STXBP6: variants seen among roughly 807,000 people sequenced by gnomAD.
The protein encoded by STXBP6 is syntaxin binding protein 6, also known as syntaxin-binding protein 6.
Under a neutral mutation model 26.9 loss-of-function variants are expected in STXBP6, and 21 were observed. The observed-to-expected ratio is 0.78, with a 90% confidence interval of 0.55 to 1.12. STXBP6 has a LOEUF of 1.12. Among genes scored for constraint, STXBP6 ranks in the 50% most tolerant of loss-of-function variants. STXBP6 has a pLI of 0.00. For synonymous variants in STXBP6, 97 were observed against 92.6 expected, an observed-to-expected ratio of 1.05 and a Z score of -0.27; for missense variants, 232 against 257.9, an observed-to-expected ratio of 0.90 and a Z score of 0.69.
intron 1 of STXBP6, among the ~76,000 whole-genome samples, chr14:24,978,125 T>C (rs1240079219): frequency 6.6e-6 from 1 of 152,234 alleles, no homozygotes; most frequent in Non-Finnish European, 1.5e-5. Context: ...GGTACTGTCA[T>C]AACTTCATAG....
At chr14:25,013,033 A>G (rs914016715) in intron 1 of STXBP6, among the ~76,000 whole-genome samples, 2 of 152,188 alleles carry the variant, frequency 1.3e-5, no homozygotes, top group Non-Finnish European at 2.9e-5. Flanking sequence ...CTGAGGCTGC[A>G]GTGAGCTACG....
At chr14:24,883,869 G>A (rs1297918402) in intron 2 of STXBP6, among the ~76,000 whole-genome samples, 1 of 152,126 alleles carries the variant, frequency 6.6e-6, no homozygotes, top group East Asian at 1.9e-4. Flanking sequence ...TTTAAAACAT[G>A]TTTTGAATTG....
At chr14:24,823,202 T>C (rs571033275) in intron 4 of STXBP6, among the ~76,000 whole-genome samples, 3 of 152,304 alleles carry the variant, frequency 2.0e-5, no homozygotes, top group East Asian at 1.9e-4. Context: ...TGACATCTTT[T>C]ATGTTAAGTG....
intron 1 of STXBP6, among the ~76,000 whole-genome samples, chr14:25,044,773 A>G (rs185855914): frequency 2.4e-3 from 362 of 152,348 alleles, no homozygotes; most frequent in Non-Finnish European, 4.4e-3. Context: ...CCACAGATTC[A>G]GTAAATCTCG....
chr14:24,971,492 T>C (rs1316012907), intron 2 of STXBP6, among the ~76,000 whole-genome samples: 1 of 152,184 alleles, frequency 6.6e-6, no homozygotes, highest in Non-Finnish European at 1.5e-5. Flanking sequence ...CCAGAAGGTG[T>C]AGGCAGTTCA....
intron 2 of STXBP6, among the ~76,000 whole-genome samples, chr14:24,927,181 CTG>C (rs1348262855): frequency 6.6e-6 from 1 of 152,168 alleles, no homozygotes; most frequent in Non-Finnish European, 1.5e-5. Context: ...TTAAAGAAGA[CTG>C]TTTATGAATG....
intron 4 of STXBP6, among the ~76,000 whole-genome samples, chr14:24,850,230 T>C (rs1185900009): frequency 6.6e-6 from 1 of 152,054 alleles, no homozygotes; most frequent in Non-Finnish European, 1.5e-5. Flanking sequence ...ATCCTGAGAT[T>C]CTATCCTATC....
intron 1 of STXBP6, among the ~76,000 whole-genome samples, chr14:25,026,035 A>AT (rs2075343835): frequency 1.3e-5 from 2 of 152,180 alleles, no homozygotes; most frequent in African/African-American, 4.8e-5. Context: ...TTGACTTTAC[A>AT]TTGTTGGTGG....
At chr14:24,845,263 T>C (rs778083790) in intron 4 of STXBP6, among the ~76,000 whole-genome samples, 20 of 152,046 alleles carry the variant, frequency 1.3e-4, no homozygotes, top group Non-Finnish European at 2.1e-4. Flanking sequence ...CTGCCCACCT[T>C]GGCCTCCCAA....
intron 2 of STXBP6, among the ~76,000 whole-genome samples, chr14:24,883,640 G>C (rs2070456540): frequency 6.7e-6 from 1 of 149,142 alleles, no homozygotes; most frequent in Non-Finnish European, 1.5e-5. Context: ...GCGGCTATTA[G>C]ATGTGAAAAA....
At chr14:24,932,606 A>T (rs1018331439) in intron 2 of STXBP6, among the ~76,000 whole-genome samples, 1 of 152,190 alleles carries the variant, frequency 6.6e-6, no homozygotes, top group African/African-American at 2.4e-5. Flanking sequence ...GAGAATAGGC[A>T]TGGGAAAATC....
rs569266377 is a variant in STXBP6 at position 24,845,754 on chromosome 14, A to C, written c.451+10182T>G. 3.3e-5 allele frequency among the ~76,000 whole-genome samples: 5 copies of C among 152,304 alleles called. No individual in the cohort carries two copies. In the East Asian group the frequency reaches 9.6e-4, roughly 29 times the overall value. The stretch of plus-strand genomic sequence containing the variant: ...TGGTAAGAGGGACTTTGCAGATATG[A>C]TAAGTATCTCCAGAGGGGAAGATTA... On this transcript the variant is annotated intron_variant, in intron 4 of 5. Transcript: ENST00000323944.
intron 1 of STXBP6, among the ~76,000 whole-genome samples, chr14:25,017,064 C>T (rs1014470069): frequency 4.6e-5 from 7 of 152,038 alleles, no homozygotes; most frequent in African/African-American, 1.7e-4. Context: ...CAACTAGATG[C>T]CAGGTATAAA....
At chr14:24,841,961 A>G (rs995369174) in intron 4 of STXBP6, among the ~76,000 whole-genome samples, 2 of 152,138 alleles carry the variant, frequency 1.3e-5, no homozygotes, top group African/African-American at 4.8e-5. Context: ...AATATTCTTC[A>G]GTGGGAGATT....
chr14:24,939,997 A>G (rs556951888), intron 2 of STXBP6, among the ~76,000 whole-genome samples: 4 of 152,288 alleles, frequency 2.6e-5, no homozygotes, highest in African/African-American at 9.6e-5. Context: ...TCTGCACAGT[A>G]TCTTGAAGAG....
chr14:24,971,894 A>G lies in STXBP6; in HGVS notation c.154+2771T>C, dbSNP rs1311145113. Among the ~76,000 whole-genome samples the G allele has an allele frequency of 6.6e-5, 10 of 152,230 alleles. No homozygotes were observed. The East Asian group carries it at 1.9e-3, about 29-fold the overall frequency. Reference sequence around the variant, plus strand: ...ATGCATGAATTCTTTTCATAGCGGTACCCACGGAACATAGAATGCTTGGCA... The same window carrying G: ...ATGCATGAATTCTTTTCATAGCGGTGCCCACGGAACATAGAATGCTTGGCA... On this transcript the variant is annotated intron_variant, in intron 2 of 5. Coordinates refer to ENST00000323944, the MANE Select transcript of STXBP6 (RefSeq NM_001394410.1).
intron 1 of STXBP6, among the ~76,000 whole-genome samples, chr14:24,996,605 A>T (rs1289504145): frequency 6.6e-6 from 1 of 151,946 alleles, no homozygotes; most frequent in African/African-American, 2.4e-5. Context: ...TAATCCCAGC[A>T]CTTTGGGAGG....
At chr14:24,990,167 A>T (rs1020568785) in intron 1 of STXBP6, among the ~76,000 whole-genome samples, 3 of 152,172 alleles carry the variant, frequency 2.0e-5, no homozygotes, top group Admixed American at 2.0e-4. Flanking sequence ...GAAATGAGTT[A>T]CGAGCCAGGC....
At chr14:24,838,729 C>T (rs2068699043) in intron 4 of STXBP6, among the ~76,000 whole-genome samples, 1 of 151,856 alleles carries the variant, frequency 6.6e-6, no homozygotes, top group Non-Finnish European at 1.5e-5. Flanking sequence ...ACTTAAGGGC[C>T]CTTTCATGTC....
Sources: gnomAD v4.1 joint callset for allele counts (sites outside exome capture counted in the v4.1 genomes callset) on GRCh38, gnomAD v4.1.1 for gene constraint, MANE v1.5 for transcripts, NCBI Gene and HGNC (gene_info 2026-07-23, HGNC 2026-07-21) for gene names.